Variants in ANK3 observed in about 807,000 individuals in gnomAD.
ANK3 encodes the protein ankyrin-3.
Under a neutral mutation model 370.9 loss-of-function variants are expected in ANK3, and 57 were observed. The ratio of observed to expected loss-of-function variants is 0.15; its 90% CI spans 0.12 to 0.19. The LOEUF (loss-of-function observed/expected upper bound fraction) is 0.19, where lower values mean the gene tolerates loss of function less well. Among genes scored for constraint, ANK3 ranks in the 10% least tolerant of loss-of-function variants. The probability of loss-of-function intolerance (pLI) is 1.00; values close to 1 mark genes in which losing one functional copy is unlikely to be tolerated. For missense variants in ANK3, 4,439 were observed against 5,302.1 expected (o/e 0.84, Z 5.06); for synonymous variants, 1,929 against 1,946.3 (o/e 0.99, Z 0.23).
Position 60,483,037 on chromosome 10 carries a change from G to A in ANK3, c.96+132149C>T, listed in dbSNP as rs531437479. 9.8e-5 allele frequency among the ~76,000 whole-genome samples: 15 copies of A among 152,310 alleles called. No individual in the cohort carries two copies. In the South Asian group the frequency reaches 3.1e-3, roughly 32 times the overall value. On this transcript the variant is annotated intron_variant, in intron 2 of 43. Transcript: ENST00000373827. The stretch of plus-strand genomic sequence containing the variant: ...TGCTTAATGTGGATATGTCAGTGCT[G>A]AGTTCTGTTAGATACATTATCTTGT...
intron 25 of ANK3, among the ~76,000 whole-genome samples, chr10:60,122,826 C>A (rs2093569562): frequency 1.3e-5 from 2 of 152,136 alleles, no homozygotes; most frequent in Non-Finnish European, 2.9e-5. Context: ...TATTCCAGTC[C>A]CAGCACTGGG....
chr10:60,389,320 C>T (rs572259572), intron 1 of ANK3, 105 bp downstream of exon 1: 50 of 1,083,016 alleles, frequency 4.6e-5, no homozygotes, highest in Non-Finnish European at 6.6e-5. Context: ...AATTTACACT[C>T]TACCCAGCAT....
At chr10:60,124,633 C>T (rs899295218) in intron 25 of ANK3, among the ~76,000 whole-genome samples, 5 of 152,314 alleles carry the variant, frequency 3.3e-5, no homozygotes, top group African/African-American at 1.2e-4. Flanking sequence ...GGTGTTTTTG[C>T]TTTGCAAAAT....
chr10:60,370,306 T>C (rs971036912), intron 1 of ANK3, among the ~76,000 whole-genome samples: 3 of 152,162 alleles, frequency 2.0e-5, no homozygotes, highest in Admixed American at 6.5e-5. Context: ...TTCTCTAAAC[T>C]TCTGAAAATT....
intron 2 of ANK3, among the ~76,000 whole-genome samples, chr10:60,436,636 A>G (rs1224788798): frequency 2.0e-5 from 3 of 152,054 alleles, no homozygotes; most frequent in Non-Finnish European, 4.4e-5. Flanking sequence ...TGCTTTGCCT[A>G]TTTTTCAATT....
intron 1 of ANK3, among the ~76,000 whole-genome samples, chr10:60,707,603 G>C (rs1204483658): frequency 6.6e-6 from 1 of 150,894 alleles, no homozygotes; most frequent in Non-Finnish European, 1.5e-5. Context: ...TATATGATTA[G>C]ATTATATATT....
At chr10:60,673,085 A>G (rs2079082168) in intron 1 of ANK3, among the ~76,000 whole-genome samples, 1 of 151,640 alleles carries the variant, frequency 6.6e-6, no homozygotes, top group African/African-American at 2.4e-5. Flanking sequence ...GATGAGGACC[A>G]TCTATCTAAA....
At chr10:60,163,854 T>C (rs1344202725) in intron 23 of ANK3, among the ~76,000 whole-genome samples, 1 of 152,206 alleles carries the variant, frequency 6.6e-6, no homozygotes, top group Non-Finnish European at 1.5e-5. Context: ...TTTTATTTGC[T>C]TTTAAAAGCT....
At chr10:60,153,203 G>T (rs966618948) in intron 23 of ANK3, among the ~76,000 whole-genome samples, 3 of 152,196 alleles carry the variant, frequency 2.0e-5, no homozygotes, top group Non-Finnish European at 2.9e-5. Context: ...TATAAGCTTT[G>T]GATGGTTTTA....
chr10:60,493,664 C>T lies in ANK3; in HGVS notation c.96+121522G>A, dbSNP rs115363916. ...AGAGAAATTGTGTGTTCCCACATCT[C>T]TATATAGCCAACCCCAAAAAATGGG... is the stretch of plus-strand genomic sequence containing the variant. On this transcript the variant is annotated intron_variant, in intron 2 of 43. Transcript: ENST00000373827. 6.5e-3 allele frequency among the ~76,000 whole-genome samples: 985 copies of T among 152,028 alleles called. 13 individuals are homozygous for T. The highest frequency in any genetic ancestry group is 0.022 in the African/African-American group (931 of 41,474).
At chr10:60,359,081 T>C (rs1332192073) in intron 1 of ANK3, among the ~76,000 whole-genome samples, 2 of 152,170 alleles carry the variant, frequency 1.3e-5, no homozygotes, top group African/African-American at 4.8e-5. Context: ...AGCCCTATTC[T>C]TGCAGGGTCT....
intron 2 of ANK3, among the ~76,000 whole-genome samples, chr10:60,484,387 A>G (rs1486633834): frequency 1.3e-5 from 2 of 152,180 alleles, no homozygotes; most frequent in Non-Finnish European, 2.9e-5. Flanking sequence ...TGGGAATTAG[A>G]TGATATCAAA....
intron 43 of ANK3, among the ~76,000 whole-genome samples, chr10:60,038,132 C>A (rs886881461): frequency 2.0e-5 from 3 of 152,180 alleles, no homozygotes; most frequent in Non-Finnish European, 4.4e-5. Context: ...CACAGTGGCT[C>A]ACGCCCGTAA....
chr10:60,034,265 C>A (rs1206790858), intron 43 of ANK3, among the ~76,000 whole-genome samples: 1 of 152,006 alleles, frequency 6.6e-6, no homozygotes, highest in Non-Finnish European at 1.5e-5. Context: ...CACCACCATG[C>A]CTGGCTAATT....
At chr10:60,633,349 A>C (rs1403914917) in intron 1 of ANK3, among the ~76,000 whole-genome samples, 2 of 152,204 alleles carry the variant, frequency 1.3e-5, no homozygotes, top group Admixed American at 6.5e-5. Context: ...GACTTCCTTA[A>C]AGTTATTTTT....
chr10:60,642,518 A>T (rs1438061367), intron 1 of ANK3, among the ~76,000 whole-genome samples: 2 of 152,140 alleles, frequency 1.3e-5, no homozygotes, highest in African/African-American at 4.8e-5. Flanking sequence ...CATTCTCAGT[A>T]AACTATCACA....
chr10:60,071,138 C>G lies in ANK3; in HGVS notation c.9743G>C (p.Arg3248Thr), dbSNP rs1035854083. Residue 3248 changes from arginine to threonine, a missense_variant, in exon 37 of 44, where the codon AGA (arginine) becomes ACA (threonine). Around this residue, in one of 13 missense-constraint regions of ANK3, gnomAD observed 1,601 missense variants for 1,731.7 expected, o/e 0.92. Transcript: ENST00000280772. ...AGGGGGAAATTCAATATAGGCAACT[C>G]TGTTATTTTTGGGTCTTTGGTTAGA... ...KDSNQRPKNNRVAYIEFPPPP... is the reference protein window; with the variant it reads ...KDSNQRPKNNTVAYIEFPPPP... The G allele has an allele frequency of 1.2e-6, 2 of 1,614,112 alleles. No individual in the cohort carries two copies. Among genetic ancestry groups the G allele is most frequent in the Non-Finnish European group, 1.7e-6 (2 of 1,180,006 alleles).
chr10:60,147,588 ACATGGGTGGATTCT>A (rs2094894093), intron 23 of ANK3, among the ~76,000 whole-genome samples: 1 of 152,174 alleles, frequency 6.6e-6, no homozygotes, highest in Non-Finnish European at 1.5e-5. Flanking sequence ...TGGTTGGATC[ACATGGGTGGATTCT>A]CATGAATGGG....
rs752439539 is a variant in ANK3, at chr10:60,397,016, G to A, written c.97-117377C>T. ...ACTTTCAAAACATTTCTTTCAAGAA[G>A]CAACTTAAAGGCAAAGGTACAAAGG... On this transcript the variant is annotated intron_variant, in intron 2 of 43. Coordinates refer to the ANK3 transcript ENST00000373827. Among the ~76,000 whole-genome samples, 6 of 152,228 alleles carry A rather than the reference G, an allele frequency of 3.9e-5. No individual in the cohort carries two copies. In the South Asian group the frequency reaches 6.2e-4, roughly 16 times the overall value.
Sources: gnomAD v4.1 joint callset for allele counts (sites outside exome capture counted in the v4.1 genomes callset) on GRCh38, gnomAD v4.1.1 for gene constraint, gnomAD v4.1.1 regional missense constraint, MANE v1.5 for transcripts, NCBI Gene and HGNC (gene_info 2026-07-23, HGNC 2026-07-21) for gene names.